Variants in ERCC3 observed in about 807,000 individuals in gnomAD.
ERCC3 encodes the protein ERCC excision repair 3, TFIIH core complex helicase subunit.
Under a neutral mutation model 94.2 loss-of-function variants are expected in ERCC3, and 66 were observed. The ratio of observed to expected loss-of-function variants is 0.70; its 90% confidence interval spans 0.57 to 0.86. ERCC3 has a LOEUF of 0.86. Among genes scored for constraint, ERCC3 ranks in the 40% least tolerant of loss-of-function variants. The pLI is 0.00. For missense variants in ERCC3, 829 were observed against 987.1 expected, an observed-to-expected ratio of 0.84 and a Z score of 2.15; for synonymous variants, 349 against 369.1, an observed-to-expected ratio of 0.95 and a Z score of 0.63.
At chr2:127,281,524 C>G (rs1024844117) in intron 8 of ERCC3, among the ~76,000 whole-genome samples, 1 of 152,054 alleles carries the variant, frequency 6.6e-6, no homozygotes, top group African/African-American at 2.4e-5. Context: ...TTTAAAAATT[C>G]TAATACTCTG....
rs1573943329 is a variant in ERCC3 at position 127,274,641 on chromosome 2, G to A, written c.1731-1680C>T. On this transcript the variant is annotated intron_variant, in intron 10 of 14. Transcript: ENST00000285398. This position sits in a 1 kb window ranked among gnomAD's most constrained non-coding sequence, Gnocchi z 4.0. ...GCCTTGCCGTGATCCAGAATGTCCC[G>A]GCCACCACATAATTTTATCATTTTC... Among the ~76,000 whole-genome samples the A allele has an allele frequency of 1.3e-5, 2 of 152,276 alleles. No homozygotes were observed. Among genetic ancestry groups the A allele is most frequent in the South Asian group, 2.1e-4 (1 of 4,824 alleles).
chr2:127,286,714 T>G lies in ERCC3; in HGVS notation c.1331A>C (p.His444Pro), dbSNP rs750263561. Residue 444 changes from histidine to proline, a missense_variant, in exon 8 of 15, where the codon CAC (histidine) becomes CCC (proline). His to Pro is a moderately conservative substitution (Grantham distance 77). Coordinates refer to ENST00000285398, the MANE Select transcript of ERCC3 (RefSeq NM_000122.2). Reference protein sequence around the residue: ...EWGLMILDEVHTIPAKMFRRV... With the variant: ...EWGLMILDEVPTIPAKMFRRV... ...TCCAGCCTGCTTACCTGGTATGGTGTGCACTTCATCCAGGATCATGAGGCC... is the reference window on the plus strand; with the variant it reads ...TCCAGCCTGCTTACCTGGTATGGTGGGCACTTCATCCAGGATCATGAGGCC... 6.8e-6 allele frequency: 11 copies of G among 1,613,956 alleles called. No individual in the cohort carries two copies. In the East Asian group the frequency reaches 2.5e-4, roughly 36 times the overall value.
At chr2:127,292,254 A>G (rs982537688) in intron 3 of ERCC3, 2 of 396,816 alleles carry the variant, frequency 5.0e-6, no homozygotes, top group African/African-American at 2.0e-5. Context: ...CACACAATTC[A>G]GTCCCCAGCA....
Position 127,280,951 on chromosome 2 carries a change from TG to T in ERCC3, c.1343-321del. On this transcript the variant is annotated intron_variant, in intron 8 of 14. Coordinates refer to ENST00000285398, the MANE Select transcript of ERCC3 (RefSeq NM_000122.2). The surrounding 1 kb of genome is among the most constrained non-coding windows in gnomAD (Gnocchi z 6.3). ...CTCTAGACAAGAATGACTAGGCAAA[TG>T]CTTCACCATCACTTTTAGACCTGTC... The T allele has an allele frequency of 2.0e-6, 1 of 493,152 alleles. No individual in the cohort carries two copies. 30.5% of individuals were successfully genotyped at this position (493,152 alleles called of 1,614,324 possible).
rs1684297756 is a variant in ERCC3, at chr2:127,264,633, G to C, written c.1946-3287C>G. ...GAATTAACTTTTTGATATGCTGCTG[G>C]ATTTGCTTTGTCCTCATTTTGTTAC... On this transcript the variant is annotated intron_variant, in intron 12 of 14. Transcript: ENST00000285398. The surrounding 1 kb of genome is among the most constrained non-coding windows in gnomAD (Gnocchi z 4.4). Among the ~76,000 whole-genome samples the C allele has an allele frequency of 6.6e-6, 1 of 152,152 alleles. No homozygotes were observed. The highest frequency in any genetic ancestry group is 2.1e-4 in the South Asian group (1 of 4,828).
chr2:127,259,144 G>C lies in ERCC3; in HGVS notation c.2217+152C>G. 1.1e-6 allele frequency: 1 copy of C among 890,746 alleles called. No individual in the cohort carries two copies. Among genetic ancestry groups the C allele is most frequent in the Non-Finnish European group, 1.8e-6 (1 of 556,870 alleles). 55.2% of individuals were successfully genotyped at this position (890,746 alleles called of 1,614,324 possible). A position where few individuals can be genotyped will look rare whatever the true frequency, so the allele number is the denominator to read the frequency against. On this transcript the variant is annotated intron_variant, in intron 14 of 14. Transcript: ENST00000285398. This position sits in a 1 kb window ranked among gnomAD's most constrained non-coding sequence, Gnocchi z 4.9. Reference sequence around the variant, plus strand: ...GGGGCACACACCAAAAGGGCAACAAGGATTGTTTCTGTTCATCTCTTCCGT... The same window carrying C: ...GGGGCACACACCAAAAGGGCAACAACGATTGTTTCTGTTCATCTCTTCCGT...
At position 127,278,725 on chromosome 2, in the gene ERCC3, G is replaced by T. The variant is rs4150464; in HGVS notation, c.1730+448C>A. Among the ~76,000 whole-genome samples the T allele has an allele frequency of 8.7e-4, 132 of 152,344 alleles. 2 individuals carry two copies. The East Asian group carries it at 0.023, about 27-fold the overall frequency. On this transcript the variant is annotated intron_variant, in intron 10 of 14. Coordinates refer to ENST00000285398, the MANE Select transcript of ERCC3 (RefSeq NM_000122.2). ...GGAGCCATGGGTTGATGAGGATACT[G>T]CGTGGGCATTTCTAAGCTCCTTCCA...
chr2:127,271,428 G>C lies in ERCC3; in HGVS notation c.1853C>G (p.Pro618Arg). ...GATCTGAATGAGGACATTTGCTTCC[G>C]GCAGATCAAACGAAGTGTCACCTAC... Reference protein sequence around the residue: ...SKVGDTSFDLPEANVLIQISS... With the variant: ...SKVGDTSFDLREANVLIQISS... The change falls in exon 12 of 15, where the codon CCG becomes CGG. Residue 618 changes from proline to arginine, a missense_variant. By Grantham distance (103) the Pro-to-Arg change is moderately radical. Coordinates refer to ENST00000285398, the MANE Select transcript of ERCC3 (RefSeq NM_000122.2). This position sits in a 1 kb window ranked among gnomAD's most constrained non-coding sequence, Gnocchi z 5.0. The C allele has an allele frequency of 6.2e-7, 1 of 1,613,978 alleles. No individual in the cohort carries two copies. Among genetic ancestry groups the C allele is most frequent in the Non-Finnish European group, 8.5e-7 (1 of 1,179,976 alleles).
At position 127,293,504 on chromosome 2, in the gene ERCC3, C is replaced by A. The variant is rs370032908; in HGVS notation, c.234+9G>T. The stretch of plus-strand genomic sequence containing the variant: ...TCCTGGGCCCTGCCCAAGCTAAGGG[C>A]ATGCTTACCACCCAGAGGGGCCTGG... On this transcript the variant is annotated intron_variant, in intron 2 of 14. Coordinates refer to ENST00000285398, the MANE Select transcript of ERCC3 (RefSeq NM_000122.2). 4.3e-6 allele frequency: 7 copies of A among 1,613,612 alleles called. No homozygotes were observed. Among genetic ancestry groups the A allele is most frequent in the Non-Finnish European group, 5.9e-6 (7 of 1,179,712 alleles).
Position 127,293,635 on chromosome 2 carries a change from C to A in ERCC3, c.112G>T (p.Val38Phe). 1 of 1,614,192 alleles carries A rather than the reference C, an allele frequency of 6.2e-7. No individual in the cohort carries two copies. The highest frequency in any genetic ancestry group is 1.3e-5 in the African/African-American group (1 of 75,070). ...ACCTGCTTCCCCGCCGCCGAGGGAA[C>A]CGCTTCCTGAGGGTCGTTCCCCGGG... is the stretch of plus-strand genomic sequence containing the variant. The part of the protein sequence containing the change: ...DAPGNDPQEA[V>F]PSAAGKQVDE... Residue 38 changes from valine to phenylalanine, a missense_variant, in exon 2 of 15, where the codon GTT (valine) becomes TTT (phenylalanine). Transcript: ENST00000285398.
intron 10 of ERCC3, among the ~76,000 whole-genome samples, chr2:127,275,712 T>G (rs1157829348): frequency 6.6e-6 from 1 of 152,214 alleles, no homozygotes; most frequent in East Asian, 1.9e-4. Flanking sequence ...CTCATTGCCC[T>G]GCTCAAATTG....
At position 127,279,776 on chromosome 2, in the gene ERCC3, T is replaced by C. The variant is rs1359417671; in HGVS notation, c.1528-401A>G. 6.6e-6 allele frequency among the ~76,000 whole-genome samples: 1 copy of C among 151,906 alleles called. No individual in the cohort carries two copies. Among genetic ancestry groups the C allele is most frequent in the African/African-American group, 2.4e-5 (1 of 41,344 alleles). On this transcript the variant is annotated intron_variant, in intron 9 of 14. Transcript: ENST00000285398. The surrounding 1 kb of genome is among the most constrained non-coding windows in gnomAD (Gnocchi z 4.7). Reference sequence around the variant, plus strand: ...CCCTGTTTTAAAAAAAAAAAAATGCTATGTGAATTAGAAATCAGTACAACT... The same window carrying C: ...CCCTGTTTTAAAAAAAAAAAAATGCCATGTGAATTAGAAATCAGTACAACT...
chr2:127,278,907 G>A lies in ERCC3; in HGVS notation c.1730+266C>T, dbSNP rs4150463. ...CTTTGGAGCCCAGATCTTCCATGGG[G>A]CCCCACCCAGCTCAGTCCAAGTCTC... On this transcript the variant is annotated intron_variant, in intron 10 of 14. Coordinates refer to ENST00000285398, the MANE Select transcript of ERCC3 (RefSeq NM_000122.2). Among the ~76,000 whole-genome samples, 2,521 of 152,196 alleles carry A rather than the reference G, an allele frequency of 0.017. 72 individuals carry two copies. The highest frequency in any genetic ancestry group is 0.057 in the African/African-American group (2,365 of 41,520).
In ERCC3 at chr2:127,257,423, A is replaced by G. The variant is rs1208575789; in HGVS notation, c.*173T>C. ...AAATATTGTCTCCTCCTCCTTTATA[A>G]AACCCTAGATGACCTATGAAGGCAC... On this transcript the variant is annotated 3_prime_UTR_variant, in exon 15 of 15. Coordinates refer to ENST00000285398, the MANE Select transcript of ERCC3 (RefSeq NM_000122.2). The surrounding 1 kb of genome is among the most constrained non-coding windows in gnomAD (Gnocchi z 5.4). 5 of 798,564 alleles carry G rather than the reference A, an allele frequency of 6.3e-6. No homozygotes were observed. Among genetic ancestry groups the G allele is most frequent in the Admixed American group, 1.9e-5 (1 of 52,080 alleles). 49.5% of individuals were successfully genotyped at this position (798,564 alleles called of 1,614,324 possible).
rs2104774358 is a variant in ERCC3 at position 127,288,677 on chromosome 2, AC to A, written c.1009del (p.Val337SerfsTer15). 6.2e-7 allele frequency: 1 copy of A among 1,613,896 alleles called. No homozygotes were observed. Among genetic ancestry groups the A allele is most frequent in the Non-Finnish European group, 8.5e-7 (1 of 1,179,958 alleles). ...CCACTTACCGCAGGGAAGAACAATG[AC>A]CCCCGAACGTGCACGCCCGTTTCCA... ...MFGNGRARSG[V>X]IVLPCGAGKS... On this transcript the variant is annotated frameshift_variant, in exon 7 of 15. Coordinates refer to ENST00000285398, the MANE Select transcript of ERCC3 (RefSeq NM_000122.2). LOFTEE classifies it high-confidence loss of function.
At chr2:127,269,417 CTTTTTTTT>C (rs70985445) in intron 12 of ERCC3, among the ~76,000 whole-genome samples, 38 of 113,568 alleles carry the variant, frequency 3.3e-4, no homozygotes, top group African/African-American at 1.3e-3. Flanking sequence ...ATTCTATTCA[CTTTTTTTT>C]TTTTTTTTTT....
chr2:127,289,605 G>T (rs958631609), intron 5 of ERCC3, 84 bp downstream of exon 5: 54 of 1,603,290 alleles, frequency 3.4e-5, no homozygotes, highest in Non-Finnish European at 4.2e-5. Flanking sequence ...CTGCTAGGTT[G>T]TAAGTGCTGG....
In ERCC3 at chr2:127,265,741, C is replaced by G. The variant is rs115969547; in HGVS notation, c.1946-4395G>C. 5.8e-3 allele frequency among the ~76,000 whole-genome samples: 876 copies of G among 152,256 alleles called. 9 individuals are homozygous for G. Among genetic ancestry groups the G allele is most frequent in the African/African-American group, 0.02 (831 of 41,546 alleles). On this transcript the variant is annotated intron_variant, in intron 12 of 14. Coordinates refer to ENST00000285398, the MANE Select transcript of ERCC3 (RefSeq NM_000122.2). Reference sequence around the variant, plus strand: ...CTTATCTATCTTTTCAAAGAACCAGCTTTTTATTTCATTGATCCTTTGTAT... The same window carrying G: ...CTTATCTATCTTTTCAAAGAACCAGGTTTTTATTTCATTGATCCTTTGTAT...
In ERCC3 at chr2:127,279,425, C is replaced by T; in HGVS notation, c.1528-50G>A. ...TCATTTTACAAGTTTAAACACCACA[C>T]AATTTAAAACTTTTGAAGACCTTTC... On this transcript the variant is annotated intron_variant, in intron 9 of 14. Transcript: ENST00000285398. This position sits in a 1 kb window ranked among gnomAD's most constrained non-coding sequence, Gnocchi z 4.7. 7.1e-7 allele frequency: 1 copy of T among 1,402,588 alleles called. No individual in the cohort carries two copies. Among genetic ancestry groups the T allele is most frequent in the Admixed American group, 1.7e-5 (1 of 59,684 alleles). The allele number at this position is 1,402,588 out of a possible 1,614,324, so 86.9% of individuals were successfully genotyped here.
Sources: allele counts gnomAD v4.1 joint callset (sites outside exome capture counted in the v4.1 genomes callset), GRCh38; gene constraint gnomAD v4.1.1; non-coding constraint Gnocchi (gnomAD v3.1); transcripts MANE v1.5; gene names NCBI Gene and HGNC (gene_info 2026-07-23, HGNC 2026-07-21).